The following IFT88 variants were observed in gnomAD, a reference collection of about 807,000 sequenced individuals.
The protein encoded by IFT88 is intraflagellar transport 88, also known as intraflagellar transport protein 88 homolog.
IFT88 carries 74 observed loss-of-function variants against 119.5 expected under a neutral mutation model. The ratio of observed to expected loss-of-function variants is 0.62; its 90% CI spans 0.51 to 0.75. IFT88 has a LOEUF of 0.75. Ranked by LOEUF, IFT88 falls within the 30% of genes least tolerant of loss-of-function variation. The pLI, the probability that IFT88 is intolerant of heterozygous loss-of-function variation, is 0.00. For missense variants in IFT88, 961 were observed against 977.7 expected (o/e 0.98, Z 0.23); for synonymous variants, 279 against 316.7 (o/e 0.88, Z 1.26).
In IFT88 at chr13:20,658,133, G is replaced by C. The variant is rs1299800932; in HGVS notation, c.2068+1703G>C. ...TTTTTTGAGATGGAGTTTTCTTCTT[G>C]TCTCCTAGGCTGGAGTGCGGTGGCG... On this transcript the variant is annotated intron_variant, in intron 22 of 25. Transcript: ENST00000351808. Among the ~76,000 whole-genome samples, 7 of 146,934 alleles carry C rather than the reference G, an allele frequency of 4.8e-5. No individual in the cohort carries two copies. The South Asian group carries it at 1.5e-3, about 32-fold the overall frequency.
At chr13:20,668,945 C>T (rs1042665640) in intron 23 of IFT88, among the ~76,000 whole-genome samples, 5 of 152,246 alleles carry the variant, frequency 3.3e-5, no homozygotes, top group Non-Finnish European at 4.4e-5. Flanking sequence ...ATGGGGCACA[C>T]GGGAGGATCT....
intron 13 of IFT88, among the ~76,000 whole-genome samples, chr13:20,608,750 T>C (rs192932927): frequency 2.7e-4 from 41 of 152,334 alleles, no homozygotes; most frequent in African/African-American, 9.9e-4. Flanking sequence ...CTTAATAGTT[T>C]GAAGTTCCTG....
intron 16 of IFT88, among the ~76,000 whole-genome samples, chr13:20,638,102 G>C (rs1292316414): frequency 6.6e-6 from 1 of 152,164 alleles, no homozygotes; most frequent in Admixed American, 6.5e-5. Flanking sequence ...AAATAGTGTT[G>C]TTATTCTAAC....
chr13:20,642,925 T>C (rs757443355), intron 18 of IFT88: 1 of 151,764 alleles, frequency 6.6e-6, no homozygotes, highest in African/African-American at 2.4e-5. Flanking sequence ...ATATCTAATA[T>C]GTATAAAATA....
chr13:20,603,419 G>A (rs1162863199), intron 12 of IFT88, among the ~76,000 whole-genome samples: 1 of 151,122 alleles, frequency 6.6e-6, no homozygotes, highest in African/African-American at 2.4e-5. Flanking sequence ...TAAGAGTACT[G>A]TAGCATAGCA....
chr13:20,606,677 G>A (rs866569272), intron 13 of IFT88, among the ~76,000 whole-genome samples: 1 of 152,168 alleles, frequency 6.6e-6, no homozygotes, highest in African/African-American at 2.4e-5. Flanking sequence ...TCAAAAGTTC[G>A]AGACCAGCCT....
intron 24 of IFT88, among the ~76,000 whole-genome samples, chr13:20,685,035 C>T (rs983476423): frequency 8.5e-5 from 13 of 152,236 alleles, no homozygotes; most frequent in Middle Eastern, 3.2e-3. Flanking sequence ...GAGCCACAAA[C>T]GGAATCTGAC....
chr13:20,631,222 G>A (rs2048160681), intron 16 of IFT88, 120 bp downstream of exon 16: 1 of 670,562 alleles, frequency 1.5e-6, no homozygotes, highest in Admixed American at 2.2e-5. Context: ...TAAGTGGACT[G>A]AGGAGTATAG....
At position 20,643,579 on chromosome 13, in the gene IFT88, T is replaced by A; in HGVS notation, c.1807T>A (p.Ser603Thr). The A allele has an allele frequency of 6.2e-7, 1 of 1,605,276 alleles. No homozygotes were observed. Among genetic ancestry groups the A allele is most frequent in the Middle Eastern group, 1.7e-4 (1 of 6,004 alleles). The change falls in exon 19 of 26, where the codon TCT (serine) becomes ACT (threonine). Residue 603 changes from serine to threonine, a missense_variant. By Grantham distance (58) the Ser-to-Thr change is moderately conservative (BLOSUM62 1). Transcript: ENST00000351808. Reference sequence around the variant, plus strand: ...ATTATATGATCGTGAAGGAGATAAATCTCAAGCATTTCAATATTACTATGA... The same window carrying A: ...ATTATATGATCGTGAAGGAGATAAAACTCAAGCATTTCAATATTACTATGA... Reference protein sequence around the residue: ...GELYDREGDKSQAFQYYYESY... With the variant: ...GELYDREGDKTQAFQYYYESY...
chr13:20,613,769 C>A (rs989856740), intron 13 of IFT88, among the ~76,000 whole-genome samples: 15 of 151,918 alleles, frequency 9.9e-5, no homozygotes, highest in African/African-American at 3.6e-4. Context: ...AGTACTGATA[C>A]GTGCTGTTAG....
At chr13:20,689,271 T>A (rs1385525274) in intron 24 of IFT88, among the ~76,000 whole-genome samples, 1 of 152,170 alleles carries the variant, frequency 6.6e-6, no homozygotes, top group East Asian at 1.9e-4. Context: ...TTCCACAAAA[T>A]TTGAATCTTT....
chr13:20,635,254 A>T (rs2048843749), intron 16 of IFT88, among the ~76,000 whole-genome samples: 1 of 152,314 alleles, frequency 6.6e-6, no homozygotes, highest in East Asian at 1.9e-4. Flanking sequence ...ACACATGCAC[A>T]CATATGTTTA....
intron 7 of IFT88, among the ~76,000 whole-genome samples, chr13:20,593,174 A>G (rs1205024443): frequency 1.3e-5 from 2 of 152,230 alleles, no homozygotes; most frequent in Non-Finnish European, 2.9e-5. Flanking sequence ...GCTAGACAGT[A>G]GCCAAAAAGC....
At chr13:20,599,037 C>G (rs2042193373) in intron 10 of IFT88, among the ~76,000 whole-genome samples, 1 of 151,868 alleles carries the variant, frequency 6.6e-6, no homozygotes, top group Admixed American at 6.6e-5. Flanking sequence ...AATTTATCCC[C>G]AAGAGATTAT....
chr13:20,589,559 A>G (rs1219498168), intron 3 of IFT88, among the ~76,000 whole-genome samples: 2 of 152,210 alleles, frequency 1.3e-5, no homozygotes, highest in East Asian at 3.8e-4. Flanking sequence ...ATGAAAACAA[A>G]TCTTTCTTAT....
Position 20,635,090 on chromosome 13 carries a change from G to T in IFT88, c.1387-3242G>T, listed in dbSNP as rs576542570. Among the ~76,000 whole-genome samples the T allele has an allele frequency of 2.6e-5, 4 of 151,808 alleles. No homozygotes were observed. The South Asian group carries it at 8.3e-4, about 32-fold the overall frequency. On this transcript the variant is annotated intron_variant, in intron 16 of 25. Transcript: ENST00000351808. ...TGGCAATAGTTTGCTGAGAATGATG[G>T]TTTCCAGCTTCATCCATGTCCCTAC...
At chr13:20,598,589 T>A in intron 9 of IFT88, 62 bp from the exon 10 acceptor site, 1 of 915,782 alleles carries the variant, frequency 1.1e-6, no homozygotes. Flanking sequence ...TCTAGAAAGA[T>A]TATAGGTGAA....
intron 22 of IFT88, among the ~76,000 whole-genome samples, chr13:20,661,515 C>T (rs1391644125): frequency 6.6e-6 from 1 of 152,146 alleles, no homozygotes; most frequent in Non-Finnish European, 1.5e-5. Context: ...ACGGGCGAAT[C>T]ACGAGCCAGG....
chr13:20,586,238 A>G (rs1377581989), intron 3 of IFT88, among the ~76,000 whole-genome samples: 3 of 152,124 alleles, frequency 2.0e-5, no homozygotes, highest in South Asian at 2.1e-4. Flanking sequence ...ATCACATCCT[A>G]CTTGTTATAT....
Sources: gnomAD v4.1 joint callset for allele counts (sites outside exome capture counted in the v4.1 genomes callset) on GRCh38, gnomAD v4.1.1 for gene constraint, MANE v1.5 for transcripts, NCBI Gene and HGNC (gene_info 2026-07-23, HGNC 2026-07-21) for gene names.